Variants in HYDIN observed in about 807,000 individuals in gnomAD.
HYDIN encodes the protein axonemal central pair apparatus protein HYDIN.
Under a neutral mutation model 403.9 loss-of-function variants are expected in HYDIN, and 132 were observed. That is an observed-to-expected ratio of 0.33 (90% CI 0.28 to 0.38). The LOEUF is 0.38. Among genes scored for constraint, HYDIN ranks in the 10% least tolerant of loss-of-function variants. The probability of loss-of-function intolerance (pLI) is 1.00; values close to 1 mark genes in which losing one functional copy is unlikely to be tolerated. For synonymous variants in HYDIN, 1,202 were observed against 1,891.7 expected, an observed-to-expected ratio of 0.64 and a Z score of 9.46; for missense variants, 2,827 against 5,009.5, an observed-to-expected ratio of 0.56 and a Z score of 13.15.
chr16:71,005,056 A>G (rs1363417390), intron 23 of HYDIN, among the ~76,000 whole-genome samples: 1 of 152,182 alleles, frequency 6.6e-6, no homozygotes, highest in African/African-American at 2.4e-5. Context: ...TCTATTTGCT[A>G]TTGATTTCTG....
chr16:71,201,182 C>G (rs145989819), intron 1 of HYDIN, among the ~76,000 whole-genome samples: 3 of 152,230 alleles, frequency 2.0e-5, no homozygotes, highest in African/African-American at 7.2e-5. Context: ...ATTTTTATGT[C>G]TTCCTTCCCT....
chr16:70,848,253 G>T (rs930748212), intron 75 of HYDIN, among the ~76,000 whole-genome samples: 8 of 147,002 alleles, frequency 5.4e-5, no homozygotes, highest in Non-Finnish European at 1.2e-4. Flanking sequence ...ATCTAGACAT[G>T]GTGTCCTATA....
chr16:70,870,071 T>G (rs564222962), intron 65 of HYDIN, among the ~76,000 whole-genome samples: 2 of 152,224 alleles, frequency 1.3e-5, no homozygotes, highest in East Asian at 1.9e-4. Context: ...CCCTAGAGAT[T>G]TGTGGAACTT....
At chr16:70,831,133 G>C (rs1160450095) in intron 80 of HYDIN, among the ~76,000 whole-genome samples, 2 of 151,362 alleles carry the variant, frequency 1.3e-5, no homozygotes, top group Non-Finnish European at 1.5e-5. Context: ...CAAGAAACTG[G>C]CTGAAATCAA....
At chr16:70,819,348 G>A (rs567795645) in intron 83 of HYDIN, among the ~76,000 whole-genome samples, 16 of 151,990 alleles carry the variant, frequency 1.1e-4, no homozygotes, top group African/African-American at 1.7e-4. Context: ...CACACAATTC[G>A]TAGGCACTGT....
At chr16:71,230,454 A>C (rs1478642409) in intron 1 of HYDIN, 108 bp downstream of exon 1, 1 of 1,330,462 alleles carries the variant, frequency 7.5e-7, no homozygotes, top group African/African-American at 1.5e-5. Flanking sequence ...GAAAGTCTGG[A>C]GAACGCCTGG....
chr16:71,072,974 A>C (rs374275330), intron 13 of HYDIN, among the ~76,000 whole-genome samples: 3 of 152,038 alleles, frequency 2.0e-5, no homozygotes, highest in Admixed American at 6.6e-5. Flanking sequence ...CTCTGAGGAA[A>C]AAGATGCCCA....
In HYDIN at chr16:70,931,990, G is replaced by A. The variant is rs568912957; in HGVS notation, c.7158+3962C>T. 1.4e-4 allele frequency among the ~76,000 whole-genome samples: 15 copies of A among 107,760 alleles called. No homozygotes were observed. The East Asian group carries it at 4.1e-3, about 30-fold the overall frequency. 70.7% of individuals were successfully genotyped at this position (107,760 alleles called of 152,430 possible). On this transcript the variant is annotated intron_variant, in intron 45 of 85. Coordinates refer to ENST00000393567, the MANE Select transcript of HYDIN (RefSeq NM_001270974.2). The stretch of plus-strand genomic sequence containing the variant: ...CCCACCACTGCACTGTAGCCTGGGC[G>A]ACAGAGCGAGACTTGTATCAAAAAA...
At chr16:71,179,908 C>T (rs182050481) in intron 3 of HYDIN, among the ~76,000 whole-genome samples, 263 of 152,294 alleles carry the variant, frequency 1.7e-3, no homozygotes, top group Admixed American at 4.8e-3. Context: ...TGTGAGTTCA[C>T]GGTTGCGCCC....
intron 3 of HYDIN, among the ~76,000 whole-genome samples, chr16:71,184,037 G>A (rs2087021446): frequency 6.6e-6 from 1 of 152,040 alleles, no homozygotes; most frequent in South Asian, 2.1e-4. Context: ...GGGTGGTTGT[G>A]GGAAACAGAC....
At chr16:70,927,268 G>T (rs369253652) in intron 45 of HYDIN, among the ~76,000 whole-genome samples, 4,314 of 129,634 alleles carry the variant, frequency 0.033, 126 homozygotes, top group African/African-American at 0.12. Context: ...GAGTCAGAAT[G>T]AGGTAGGAGG....
chr16:71,180,585 C>T (rs2086857723), intron 3 of HYDIN, among the ~76,000 whole-genome samples: 1 of 149,846 alleles, frequency 6.7e-6, no homozygotes, highest in Non-Finnish European at 1.5e-5. Context: ...ATAGGCCAGT[C>T]TCATTCATAA....
chr16:70,940,610 C>G (rs1345179082), intron 43 of HYDIN, among the ~76,000 whole-genome samples: 1 of 152,100 alleles, frequency 6.6e-6, no homozygotes, highest in Non-Finnish European at 1.5e-5. Flanking sequence ...TAATTATTTT[C>G]AAGTGGATCA....
chr16:71,125,338 T>A (rs1329978649), intron 9 of HYDIN, among the ~76,000 whole-genome samples: 1 of 152,124 alleles, frequency 6.6e-6, no homozygotes, highest in Non-Finnish European at 1.5e-5. Flanking sequence ...TCTATAGTCA[T>A]CTCAAATTCA....
intron 1 of HYDIN, among the ~76,000 whole-genome samples, chr16:71,213,694 C>T (rs2088716488): frequency 6.6e-6 from 1 of 152,020 alleles, no homozygotes; most frequent in African/African-American, 2.4e-5. Context: ...ATAGCCTCAA[C>T]AGATGCAGAA....
Position 70,804,245 on chromosome 16 carries a change from G to A in HYDIN, c.*3335C>T, listed in dbSNP as rs569264350. Among the ~76,000 whole-genome samples, 1 of 152,324 alleles carries A rather than the reference G, an allele frequency of 6.6e-6. No homozygotes were observed. Among genetic ancestry groups the A allele is most frequent in the South Asian group, 2.1e-4 (1 of 4,828 alleles). On this transcript the variant is annotated 3_prime_UTR_variant, in exon 86 of 86. Transcript: ENST00000393567. ...GAAGGAACTTCCTCCTCTCTCAGGG[G>A]CTAGGAGGATTTGGACCCTAGACTC... is the stretch of plus-strand genomic sequence containing the variant.
intron 65 of HYDIN, among the ~76,000 whole-genome samples, chr16:70,870,490 T>C (rs988308476): frequency 2.7e-5 from 4 of 150,548 alleles, no homozygotes; most frequent in Admixed American, 2.0e-4. Context: ...TGGTCATGGC[T>C]AAAAGGGGCC....
intron 1 of HYDIN, among the ~76,000 whole-genome samples, chr16:71,191,523 C>T (rs989532217): frequency 1.3e-5 from 2 of 152,264 alleles, no homozygotes; most frequent in African/African-American, 4.8e-5. Flanking sequence ...AACCCTAACA[C>T]TGGTCAATCC....
rs59968942 is a variant in HYDIN, at chr16:70,923,469, C to CA, written c.7159-2253dup. Among the ~76,000 whole-genome samples the CA allele has an allele frequency of 5.9e-3, 166 of 28,276 alleles. 4 individuals are homozygous for CA. The highest frequency in any genetic ancestry group is 9.8e-3 in the Non-Finnish European group (123 of 12,502). 18.6% of individuals were successfully genotyped at this position (28,276 alleles called of 152,430 possible). A position where few individuals can be genotyped will look rare whatever the true frequency, so the allele number is the denominator to read the frequency against. ...GGCAACAAGAGTGAAACTCCATCTC[C>CA]AAAAAAAAAAAAAAAAAAAAGAAAG... On this transcript the variant is annotated intron_variant, in intron 45 of 85. Coordinates refer to ENST00000393567, the MANE Select transcript of HYDIN (RefSeq NM_001270974.2).
Sources: gnomAD v4.1 joint callset for allele counts (sites outside exome capture counted in the v4.1 genomes callset) on GRCh38, gnomAD v4.1.1 for gene constraint, MANE v1.5 for transcripts, NCBI Gene and HGNC (gene_info 2026-07-23, HGNC 2026-07-21) for gene names.